The following NUBPL variants were observed in gnomAD, a reference collection of about 807,000 sequenced individuals.
The protein encoded by NUBPL is NUBP iron-sulfur cluster assembly factor, mitochondrial.
A neutral mutation model predicts 45.7 loss-of-function variants in NUBPL; 31 were observed. The ratio of observed to expected loss-of-function variants is 0.68; its 90% CI spans 0.51 to 0.92. The LOEUF (loss-of-function observed/expected upper bound fraction) is 0.92, where lower values mean the gene tolerates loss of function less well. Among genes scored for constraint, NUBPL ranks in the 40% least tolerant of loss-of-function variants. NUBPL has a pLI of 0.00. For missense variants in NUBPL, 401 were observed against 398.7 expected (o/e 1.01, Z -0.05); for synonymous variants, 144 against 140.9 (o/e 1.02, Z -0.15).
chr14:31,563,487 A>G (rs1256479471), intron 2 of NUBPL, among the ~76,000 whole-genome samples: 4 of 152,328 alleles, frequency 2.6e-5, no homozygotes, highest in Non-Finnish European at 4.4e-5. Flanking sequence ...TTCTGTTAAC[A>G]TTATACCATC....
At chr14:31,726,343 CAG>C (rs2037924406) in intron 6 of NUBPL, among the ~76,000 whole-genome samples, 1 of 152,174 alleles carries the variant, frequency 6.6e-6, no homozygotes, top group Non-Finnish European at 1.5e-5. Flanking sequence ...TCATGTGAAA[CAG>C]GGATTTGTTT....
At chr14:31,778,604 C>T (rs1441036320) in intron 6 of NUBPL, among the ~76,000 whole-genome samples, 1 of 152,216 alleles carries the variant, frequency 6.6e-6, no homozygotes, top group Non-Finnish European at 1.5e-5. Flanking sequence ...TGAGAGACTT[C>T]CCAGGTTGAT....
At chr14:31,605,729 TTTCTTC>T (rs375756486) in intron 4 of NUBPL, among the ~76,000 whole-genome samples, 6 of 151,768 alleles carry the variant, frequency 4.0e-5, no homozygotes, top group Admixed American at 2.0e-4. Context: ...TTCTTTCTTC[TTTCTTC>T]TTCTTCTTCT....
intron 4 of NUBPL, among the ~76,000 whole-genome samples, chr14:31,611,207 G>A (rs1285953937): frequency 6.6e-6 from 1 of 152,106 alleles, no homozygotes. Flanking sequence ...AAAACTATTA[G>A]AACTGATAAA....
chr14:31,639,000 A>G (rs1047857744), intron 4 of NUBPL, among the ~76,000 whole-genome samples: 28 of 151,938 alleles, frequency 1.8e-4, no homozygotes, highest in African/African-American at 6.5e-4. Context: ...ATTTTTTTTC[A>G]AAGTTTTTCA....
At chr14:31,774,943 A>G (rs1043875015) in intron 6 of NUBPL, among the ~76,000 whole-genome samples, 3 of 152,196 alleles carry the variant, frequency 2.0e-5, no homozygotes, top group African/African-American at 7.2e-5. Flanking sequence ...CCACCAGTCA[A>G]CTTATTAGAA....
At chr14:31,760,863 G>A (rs2038792562) in intron 6 of NUBPL, among the ~76,000 whole-genome samples, 1 of 148,712 alleles carries the variant, frequency 6.7e-6, no homozygotes, top group South Asian at 2.1e-4. Flanking sequence ...TTTAGAGCTA[G>A]GGTCTTACTC....
chr14:31,742,331 C>T (rs969767827), intron 6 of NUBPL, among the ~76,000 whole-genome samples: 4 of 151,540 alleles, frequency 2.6e-5, no homozygotes, highest in African/African-American at 9.7e-5. Flanking sequence ...TTATCTTTGT[C>T]TTTTATATTA....
chr14:31,754,623 T>A (rs1394585268), intron 6 of NUBPL, among the ~76,000 whole-genome samples: 2 of 137,734 alleles, frequency 1.5e-5, no homozygotes, highest in African/African-American at 2.7e-5. Context: ...CTATTTGAGA[T>A]CTTGCCAATA....
chr14:31,845,970 A>G (rs754224233), intron 8 of NUBPL: 2 of 165,334 alleles, frequency 1.2e-5, no homozygotes, highest in Non-Finnish European at 1.3e-5. Context: ...TGTTGTCTGA[A>G]GAGGAATGCC....
intron 7 of NUBPL, among the ~76,000 whole-genome samples, chr14:31,820,260 C>G (rs2039995021): frequency 6.6e-6 from 1 of 151,912 alleles, no homozygotes; most frequent in African/African-American, 2.4e-5. Flanking sequence ...TCATTTTTTG[C>G]TGCTGTTGAC....
intron 10 of NUBPL, among the ~76,000 whole-genome samples, chr14:31,853,604 G>A (rs987584279): frequency 6.6e-6 from 1 of 152,204 alleles, no homozygotes. Flanking sequence ...ACACTAAAAA[G>A]GTAGTGATTA....
intron 3 of NUBPL, among the ~76,000 whole-genome samples, chr14:31,584,749 A>G (rs2033951563): frequency 6.6e-6 from 1 of 152,210 alleles, no homozygotes; most frequent in Non-Finnish European, 1.5e-5. Context: ...TGTGGCTTAA[A>G]CAACAACTTG....
chr14:31,826,786 C>A, intron 8 of NUBPL, 72 bp downstream of exon 8: 1 of 1,388,674 alleles, frequency 7.2e-7, no homozygotes, highest in Non-Finnish European at 1.0e-6. Context: ...TTGAAAAATA[C>A]AGTTGAAGTT....
chr14:31,630,824 T>G (rs1228535436), intron 4 of NUBPL, among the ~76,000 whole-genome samples: 3 of 152,198 alleles, frequency 2.0e-5, no homozygotes, highest in Non-Finnish European at 4.4e-5. Context: ...CTCAGCTGTG[T>G]GCAATCTCTG....
Position 31,614,627 on chromosome 14 carries a change from T to C in NUBPL, c.382+15248T>C, listed in dbSNP as rs1315811145. Among the ~76,000 whole-genome samples the C allele has an allele frequency of 3.3e-5, 5 of 152,214 alleles. No homozygotes were observed. In the East Asian group the frequency reaches 9.6e-4, roughly 29 times the overall value. ...TAAAAACTTATGATTATTTTAAACC[T>C]AGTGTTAAAATTTTCAGTTGGGTCA... On this transcript the variant is annotated intron_variant, in intron 4 of 10. Coordinates refer to ENST00000281081, the MANE Select transcript of NUBPL (RefSeq NM_025152.3).
chr14:31,668,713 C>T (rs1046424651), intron 4 of NUBPL, among the ~76,000 whole-genome samples: 1 of 152,196 alleles, frequency 6.6e-6, no homozygotes. Flanking sequence ...TCCTGGTCTG[C>T]AGGTTGCAAA....
chr14:31,734,559 T>G (rs2139985108), intron 6 of NUBPL, among the ~76,000 whole-genome samples: 1 of 152,346 alleles, frequency 6.6e-6, no homozygotes, highest in Middle Eastern at 3.4e-3. Flanking sequence ...ATTGTTAAAT[T>G]TAAGACTCTA....
chr14:31,758,883 A>G (rs891954431), intron 6 of NUBPL, among the ~76,000 whole-genome samples: 2 of 152,218 alleles, frequency 1.3e-5, no homozygotes, highest in Admixed American at 1.3e-4. Context: ...GGATGCAAAA[A>G]CTCGTGGGTT....
Sources: gnomAD v4.1 joint callset for allele counts (sites outside exome capture counted in the v4.1 genomes callset) on GRCh38, gnomAD v4.1.1 for gene constraint, MANE v1.5 for transcripts, NCBI Gene and HGNC (gene_info 2026-07-23, HGNC 2026-07-21) for gene names.